Variants in SERINC5 observed in about 807,000 individuals in gnomAD.
SERINC5 encodes chromosome 5 open reading frame 12.
In SERINC5, 41 loss-of-function variants were observed where a neutral mutation model predicts 63.1. That is an observed-to-expected ratio of 0.65 (90% CI 0.51 to 0.84). The LOEUF is 0.84. Ranked by LOEUF, SERINC5 falls within the 40% of genes least tolerant of loss-of-function variation. The pLI, the probability that SERINC5 is intolerant of heterozygous loss-of-function variation, is 0.00. For synonymous variants in SERINC5, 222 were observed against 215.2 expected (o/e 1.03, Z -0.28); for missense variants, 523 against 573.0 (o/e 0.91, Z 0.89).
At chr5:80,213,878 T>C (rs2112521073) in intron 1 of SERINC5, among the ~76,000 whole-genome samples, 1 of 152,338 alleles carries the variant, frequency 6.6e-6, no homozygotes, top group South Asian at 2.1e-4. Flanking sequence ...CTACACCTGC[T>C]ATGTGCTTTG....
At chr5:80,185,796 G>A (rs538476453) in intron 2 of SERINC5, among the ~76,000 whole-genome samples, 5 of 152,148 alleles carry the variant, frequency 3.3e-5, no homozygotes, top group East Asian at 1.9e-4. Flanking sequence ...GGCAAGGACC[G>A]GCCATTTACA....
intron 1 of SERINC5, among the ~76,000 whole-genome samples, chr5:80,252,531 C>G (rs766296463): frequency 6.6e-6 from 1 of 152,194 alleles, no homozygotes; most frequent in Non-Finnish European, 1.5e-5. Context: ...TCTCTACTTT[C>G]TTAGCATCCA....
intron 2 of SERINC5, among the ~76,000 whole-genome samples, chr5:80,188,055 C>T (rs1403169245): frequency 6.6e-6 from 1 of 152,056 alleles, no homozygotes; most frequent in Non-Finnish European, 1.5e-5. Flanking sequence ...GAGGCCGAGG[C>T]AGGTGGATCA....
chr5:80,220,875 C>T (rs1040054661), intron 1 of SERINC5, among the ~76,000 whole-genome samples: 1 of 151,890 alleles, frequency 6.6e-6, no homozygotes, highest in Non-Finnish European at 1.5e-5. Flanking sequence ...GTGACAGGAA[C>T]AGAGGTTTGG....
rs1436098829 is a variant in SERINC5 at position 80,141,683 on chromosome 5, A to AT, written c.*1979dup. 4.1e-6 allele frequency: 4 copies of AT among 985,528 alleles called. No homozygotes were observed. The African/African-American group carries it at 7.0e-5, about 17-fold the overall frequency. The allele number at this position is 985,528 out of a possible 1,614,324, so 61.0% of individuals were successfully genotyped here. On this transcript the variant is annotated 3_prime_UTR_variant, in exon 12 of 12. Transcript: ENST00000507668. ...ACACGCAGCCCCACTCCCTGAGCCC[A>AT]TTCCTGGCCCACGGAACTCCTGTCC...
chr5:80,140,380 C>T lies in SERINC5; in HGVS notation c.*3283G>A. On this transcript the variant is annotated 3_prime_UTR_variant, in exon 12 of 12. Coordinates refer to ENST00000507668, the MANE Select transcript of SERINC5 (RefSeq NM_001174072.3). ...ATGGGGACAGGAAATTAACATTACA[C>T]TGAGGTTATTCATAATAAAGGATCT... 1.1e-6 allele frequency: 1 copy of T among 927,564 alleles called. No homozygotes were observed. The highest frequency in any genetic ancestry group is 5.1e-5 in the South Asian group (1 of 19,754). 57.5% of individuals were successfully genotyped at this position (927,564 alleles called of 1,614,324 possible). A position where few individuals can be genotyped will look rare whatever the true frequency, so the allele number is the denominator to read the frequency against.
At chr5:80,175,371 A>G (rs989824649) in intron 4 of SERINC5, among the ~76,000 whole-genome samples, 4 of 152,184 alleles carry the variant, frequency 2.6e-5, no homozygotes, top group Non-Finnish European at 5.9e-5. Context: ...CATAAAATCC[A>G]TAATGACCCA....
At chr5:80,136,022 A>G (rs1014267904), downstream of SERINC5, among the ~76,000 whole-genome samples, 1 of 152,154 alleles carries the variant, frequency 6.6e-6, no homozygotes, top group Non-Finnish European at 1.5e-5. Flanking sequence ...TGGCTGCCAA[A>G]TAATGTGAAT....
intron 2 of SERINC5, among the ~76,000 whole-genome samples, chr5:80,183,043 A>C (rs1748554938): frequency 6.6e-6 from 1 of 152,142 alleles, no homozygotes. Flanking sequence ...GGGGAAAAGC[A>C]CTACTGAAGC....
At chr5:80,178,110 G>A (rs575301733) in intron 2 of SERINC5, 46 bp from the exon 3 acceptor site, 13 of 1,362,690 alleles carry the variant, frequency 9.5e-6, no homozygotes, top group African/African-American at 1.5e-5. Flanking sequence ...CTGAGTGAGA[G>A]GTGGACTGTC....
chr5:80,221,604 T>TC (rs765505321), intron 1 of SERINC5, among the ~76,000 whole-genome samples: 1 of 152,188 alleles, frequency 6.6e-6, no homozygotes, highest in Non-Finnish European at 1.5e-5. Flanking sequence ...TTTCAAGGTT[T>TC]AACATTAAGC....
intron 1 of SERINC5, among the ~76,000 whole-genome samples, chr5:80,223,725 C>T (rs1275043169): frequency 6.6e-6 from 1 of 152,164 alleles, no homozygotes; most frequent in Non-Finnish European, 1.5e-5. Context: ...TGAAAGAATG[C>T]ATTCCTGAGC....
chr5:80,111,982 G>A (rs1744131972), intron 12 of SERINC5, among the ~76,000 whole-genome samples: 1 of 152,288 alleles, frequency 6.6e-6, no homozygotes, highest in South Asian at 2.1e-4. Context: ...CTCCATTCTC[G>A]ATTAACCAGG....
intron 8 of SERINC5, among the ~76,000 whole-genome samples, chr5:80,153,432 C>A (rs1294591528): frequency 6.6e-6 from 1 of 151,900 alleles, no homozygotes; most frequent in Non-Finnish European, 1.5e-5. Flanking sequence ...TCAGTTGTAG[C>A]CTTTCTCCAT....
At chr5:80,149,066 G>A (rs1159428741) in intron 9 of SERINC5, among the ~76,000 whole-genome samples, 8 of 152,268 alleles carry the variant, frequency 5.3e-5, no homozygotes, top group Non-Finnish European at 8.8e-5. Flanking sequence ...GAAATGTGAC[G>A]CAGGAGAGCA....
chr5:80,218,264 G>C (rs1750754322), intron 1 of SERINC5, among the ~76,000 whole-genome samples: 1 of 152,200 alleles, frequency 6.6e-6, no homozygotes, highest in Non-Finnish European at 1.5e-5. Context: ...TTCCTGGCTG[G>C]GCGCAGTGGC....
intron 2 of SERINC5, among the ~76,000 whole-genome samples, chr5:80,195,504 C>G (rs2112470946): frequency 6.6e-6 from 1 of 152,262 alleles, no homozygotes; most frequent in South Asian, 2.1e-4. Context: ...GAGCTGCAGC[C>G]TTTTTCCACT....
chr5:80,133,662 C>A (rs756035435), intron 11 of SERINC5, among the ~76,000 whole-genome samples: 16 of 152,194 alleles, frequency 1.1e-4, no homozygotes, highest in Non-Finnish European at 1.9e-4. Context: ...ATGCTGTAAC[C>A]GCCCAACGAA....
chr5:80,252,353 C>A (rs1752467440), intron 1 of SERINC5, among the ~76,000 whole-genome samples: 1 of 152,168 alleles, frequency 6.6e-6, no homozygotes, highest in Admixed American at 6.5e-5. Flanking sequence ...AGCCACCATG[C>A]CCAGCCTGCA....
Sources: gnomAD v4.1 joint callset for allele counts (sites outside exome capture counted in the v4.1 genomes callset) on GRCh38, gnomAD v4.1.1 for gene constraint, MANE v1.5 for transcripts, NCBI Gene and HGNC (gene_info 2026-07-23, HGNC 2026-07-21) for gene names.